SNX8: variants seen among roughly 807,000 people sequenced by gnomAD.
SNX8 encodes the protein sorting nexin 8.
A neutral mutation model predicts 51.6 loss-of-function variants in SNX8; 25 were observed. That is an observed-to-expected ratio of 0.48 (90% confidence interval 0.35 to 0.68). The LOEUF is 0.68. Among genes scored for constraint, SNX8 ranks in the 30% least tolerant of loss-of-function variants. SNX8 has a pLI of 0.00. For synonymous variants in SNX8, 324 were observed against 277.0 expected, an observed-to-expected ratio of 1.17 and a Z score of -1.68; for missense variants, 695 against 624.0, an observed-to-expected ratio of 1.11 and a Z score of -1.21.
intron 4 of SNX8, among the ~76,000 whole-genome samples, chr7:2,270,314 CAAAAAAAAAAAAAAAAA>C (rs57983721): frequency 1.8e-5 from 1 of 57,088 alleles, no homozygotes; most frequent in Admixed American, 3.2e-4. Flanking sequence ...TCTCATTTTA[CAAAAAAAAAAAAAAAAA>C]AAAAAAAAAA....
chr7:2,312,150 C>T (rs1036848489), intron 1 of SNX8, among the ~76,000 whole-genome samples: 7 of 152,052 alleles, frequency 4.6e-5, no homozygotes, highest in Non-Finnish European at 1.0e-4. Flanking sequence ...CACCACTGCC[C>T]CCAGAAAAAG....
chr7:2,268,582 T>G, intron 5 of SNX8, among the ~76,000 whole-genome samples: 1 of 81,168 alleles, frequency 1.2e-5, no homozygotes, highest in South Asian at 4.3e-4. Context: ...CCAGCCGCCC[T>G]GTCCGGGAGG....
intron 1 of SNX8, chr7:2,288,106 G>A (rs910388314): frequency 6.6e-6 from 1 of 152,268 alleles, no homozygotes; most frequent in Non-Finnish European, 1.5e-5. Context: ...ACTGTGGGAG[G>A]CTGAGGCGGG....
upstream of SNX8, among the ~76,000 whole-genome samples, chr7:2,319,261 G>A (rs1192243107): frequency 6.6e-6 from 1 of 151,840 alleles, no homozygotes; most frequent in Admixed American, 6.6e-5. Flanking sequence ...AGAACCACTT[G>A]ACCCGGGGAG....
intron 1 of SNX8, among the ~76,000 whole-genome samples, chr7:2,330,439 T>A (rs1195668357): frequency 1.3e-5 from 2 of 152,076 alleles, no homozygotes; most frequent in African/African-American, 4.8e-5. Context: ...GCCCAGCCCT[T>A]TTGCAATATC....
intron 1 of SNX8, among the ~76,000 whole-genome samples, chr7:2,311,808 G>A (rs913868417): frequency 7.2e-5 from 11 of 151,884 alleles, no homozygotes; most frequent in Admixed American, 7.2e-4. Flanking sequence ...GTGGTGGCGG[G>A]CGCCTGTAGT....
At chr7:2,257,259 G>T in intron 9 of SNX8, 106 bp downstream of exon 9, 1 of 1,379,076 alleles carries the variant, frequency 7.3e-7, no homozygotes, top group Non-Finnish European at 9.8e-7. Flanking sequence ...CTCTGTTCCA[G>T]ACACAAGGAG....
chr7:2,273,464 T>C (rs574385397), intron 3 of SNX8, among the ~76,000 whole-genome samples: 2 of 151,000 alleles, frequency 1.3e-5, no homozygotes, highest in East Asian at 4.0e-4. Flanking sequence ...CGGGCGCCTG[T>C]AGTCCCAGCT....
chr7:2,285,593 C>T (rs1796009477), intron 1 of SNX8, among the ~76,000 whole-genome samples: 1 of 152,154 alleles, frequency 6.6e-6, no homozygotes, highest in Admixed American at 6.6e-5. Context: ...ACACACTTCA[C>T]CCATGATCCT....
chr7:2,345,368 G>A (rs888298131), intron 1 of SNX8, among the ~76,000 whole-genome samples: 27 of 152,068 alleles, frequency 1.8e-4, no homozygotes, highest in African/African-American at 6.5e-4. Flanking sequence ...ATGAACCAAA[G>A]GGGACAAATA....
intron 1 of SNX8, among the ~76,000 whole-genome samples, chr7:2,320,961 A>C (rs1456377092): frequency 6.6e-6 from 1 of 152,138 alleles, no homozygotes; most frequent in Non-Finnish European, 1.5e-5. Context: ...TGGAGGTTGC[A>C]GTGAGCCAAG....
rs2115076831 is a variant in SNX8, at chr7:2,252,740, T to TCCTCACCCCTGCCTTCCTGCTCCC, written c.*2315_*2316insGGGAGCAGGAAGGCAGGGGTGAGG. On this transcript the variant is annotated 3_prime_UTR_variant, in exon 11 of 11. Coordinates refer to ENST00000222990, the MANE Select transcript of SNX8 (RefSeq NM_013321.4). ...TCCTCACCCCTGCCCTCTTGCTCTC[T>TCCTCACCCCTGCCTTCCTGCTCCC]CCTCACCCCTGCCCTCCTGCTCCCC... 9.4e-6 allele frequency: 1 copy of TCCTCACCCCTGCCTTCCTGCTCCC among 105,946 alleles called. No homozygotes were observed. Among genetic ancestry groups the TCCTCACCCCTGCCTTCCTGCTCCC allele is most frequent in the African/African-American group, 3.8e-5 (1 of 26,392 alleles). 6.6% of individuals were successfully genotyped at this position (105,946 alleles called of 1,614,324 possible).
At chr7:2,269,519 A>T (rs1408573531) in intron 5 of SNX8, 40 bp downstream of exon 5, 6 of 1,225,340 alleles carry the variant, frequency 4.9e-6, no homozygotes, top group African/African-American at 1.6e-5. Context: ...ATAAAAAAAT[A>T]AATTAAAAAA....
chr7:2,350,027 T>A (rs942406686), intron 1 of SNX8, among the ~76,000 whole-genome samples: 4 of 152,132 alleles, frequency 2.6e-5, no homozygotes, highest in Non-Finnish European at 5.9e-5. Context: ...ACCCTGGATC[T>A]CTACCACCCG....
At chr7:2,352,838 T>TA (rs113417386) in intron 1 of SNX8, among the ~76,000 whole-genome samples, 4,994 of 136,738 alleles carry the variant, frequency 0.037, 105 homozygotes, top group African/African-American at 0.068. Context: ...TCCGTCTAAA[T>TA]AAAAAAAAAA....
intron 1 of SNX8, among the ~76,000 whole-genome samples, chr7:2,284,077 C>T (rs547572201): frequency 1.2e-3 from 182 of 152,064 alleles, no homozygotes; most frequent in Non-Finnish European, 2.0e-3. Flanking sequence ...TTACAGGCAC[C>T]CGCCACCACG....
chr7:2,307,199 T>G (rs1296891448), intron 1 of SNX8, among the ~76,000 whole-genome samples: 3 of 151,844 alleles, frequency 2.0e-5, no homozygotes, highest in African/African-American at 4.8e-5. Flanking sequence ...GGACCCTACC[T>G]GATATTTTAA....
intron 7 of SNX8, among the ~76,000 whole-genome samples, chr7:2,261,358 G>A (rs575948685): frequency 4.6e-5 from 7 of 152,024 alleles, no homozygotes; most frequent in South Asian, 2.1e-4. Flanking sequence ...GCTTGAACCC[G>A]GGAGGCAGAG....
At position 2,257,030 on chromosome 7, in the gene SNX8, AG is replaced by A. The variant is rs755362576; in HGVS notation, c.1135-8del. ...TCTGAATCGCGTTCTCCTGCTGCGG[AG>A]CAAACAGCCGCCTTTCGCACCCGGC... On this transcript the variant is annotated splice_polypyrimidine_tract_variant and splice_region_variant and intron_variant, in intron 9 of 10. Transcript: ENST00000222990. 1 of 1,594,720 alleles carries A rather than the reference AG, an allele frequency of 6.3e-7. No individual in the cohort carries two copies. Among genetic ancestry groups the A allele is most frequent in the Admixed American group, 1.7e-5 (1 of 58,870 alleles).
Sources: gnomAD v4.1 joint callset for allele counts (sites outside exome capture counted in the v4.1 genomes callset) on GRCh38, gnomAD v4.1.1 for gene constraint, MANE v1.5 for transcripts, NCBI Gene and HGNC (gene_info 2026-07-23, HGNC 2026-07-21) for gene names.